JAK1: variants seen among roughly 807,000 people sequenced by gnomAD.
JAK1 encodes Janus kinase 1, also known as tyrosine-protein kinase JAK1.
In JAK1, 16 loss-of-function variants were observed where a neutral mutation model predicts 136.6. The observed-to-expected ratio is 0.12, with a 90% CI of 0.08 to 0.18. The LOEUF is 0.18. Among genes scored for constraint, JAK1 ranks in the 10% least tolerant of loss-of-function variants. The pLI is 1.00. For missense variants in JAK1, 859 were observed against 1,450.1 expected (o/e 0.59, Z 6.62); for synonymous variants, 492 against 519.5 (o/e 0.95, Z 0.72).
At chr1:64,949,689 T>C (rs1218371221) in intron 1 of JAK1, among the ~76,000 whole-genome samples, 1 of 152,242 alleles carries the variant, frequency 6.6e-6, no homozygotes, top group Non-Finnish European at 1.5e-5. Context: ...AGCAGCTTCC[T>C]GCCAATGTTT....
At chr1:64,923,688 CAG>C (rs1300483510) in intron 1 of JAK1, among the ~76,000 whole-genome samples, 5 of 152,194 alleles carry the variant, frequency 3.3e-5, no homozygotes, top group Non-Finnish European at 5.9e-5. Context: ...TATTCAAACA[CAG>C]AGTTTAGAAT....
At chr1:65,014,706 A>G (rs556386577) in intron 2 of JAK1, among the ~76,000 whole-genome samples, 15 of 149,296 alleles carry the variant, frequency 1.0e-4, no homozygotes, top group African/African-American at 3.7e-4. Context: ...TTTTTTGGAT[A>G]TGGAGTCTCT....
intron 2 of JAK1, among the ~76,000 whole-genome samples, chr1:65,043,450 GA>G (rs1405602318): frequency 6.6e-6 from 1 of 152,132 alleles, no homozygotes; most frequent in Non-Finnish European, 1.5e-5. Flanking sequence ...CAATTTGGAT[GA>G]ATCTCCAGGG....
intron 1 of JAK1, among the ~76,000 whole-genome samples, chr1:64,906,301 GAA>G (rs1255228061): frequency 9.2e-6 from 1 of 108,616 alleles, no homozygotes. Context: ...TCTCAAAAAA[GAA>G]AAAAAAAAAA....
chr1:64,865,701 C>T (rs1202119433), intron 7 of JAK1, among the ~76,000 whole-genome samples: 1 of 152,152 alleles, frequency 6.6e-6, no homozygotes. Flanking sequence ...CAGTAAGTAT[C>T]AAGCATTATT....
At chr1:65,055,695 G>A (rs1214120212) in intron 1 of JAK1, among the ~76,000 whole-genome samples, 1 of 152,184 alleles carries the variant, frequency 6.6e-6, no homozygotes, top group African/African-American at 2.4e-5. Flanking sequence ...TTAACCTGCT[G>A]GAACACCTTA....
At chr1:64,877,934 A>C (rs1644699885) in intron 4 of JAK1, among the ~76,000 whole-genome samples, 1 of 152,206 alleles carries the variant, frequency 6.6e-6, no homozygotes, top group Non-Finnish European at 1.5e-5. Flanking sequence ...AAAGAAGAGG[A>C]AAAAGTCAGC....
chr1:65,047,982 C>T (rs891288643), intron 1 of JAK1, among the ~76,000 whole-genome samples: 2 of 152,144 alleles, frequency 1.3e-5, no homozygotes, highest in African/African-American at 4.8e-5. Flanking sequence ...ATTACTACCA[C>T]AGGGACTTCT....
chr1:64,840,453 A>C (rs1218931952), intron 19 of JAK1, among the ~76,000 whole-genome samples: 1 of 152,188 alleles, frequency 6.6e-6, no homozygotes, highest in Non-Finnish European at 1.5e-5. Flanking sequence ...CTCTAGTCAC[A>C]ATTAACTGTT....
chr1:64,997,660 G>T (rs1054466971), intron 2 of JAK1, among the ~76,000 whole-genome samples: 1 of 152,194 alleles, frequency 6.6e-6, no homozygotes, highest in African/African-American at 2.4e-5. Context: ...CAAGGACAAC[G>T]GCATAATGGG....
intron 2 of JAK1, among the ~76,000 whole-genome samples, chr1:65,024,027 T>G (rs887747845): frequency 6.6e-6 from 1 of 152,080 alleles, no homozygotes; most frequent in Non-Finnish European, 1.5e-5. Context: ...TGCTGGACAT[T>G]TGAGTTGTTT....
At chr1:65,042,037 C>G (rs944609939) in intron 2 of JAK1, among the ~76,000 whole-genome samples, 1 of 151,994 alleles carries the variant, frequency 6.6e-6, no homozygotes, top group Non-Finnish European at 1.5e-5. Flanking sequence ...GAGCAAAACT[C>G]TGTCTCAAAA....
rs908944451 is a variant in JAK1, at chr1:64,966,512, G to A, written c.-257C>T. ...AGGCCCGCACTGTCTGCAGCTCCAG[G>A]ATACTCCGCGGCCGCCGCGGCCTGC... On this transcript the variant is annotated 5_prime_UTR_variant, in exon 1 of 25. Transcript: ENST00000342505. The A allele has an allele frequency of 2.0e-5, 3 of 150,278 alleles. No homozygotes were observed. Among genetic ancestry groups the A allele is most frequent in the Non-Finnish European group, 4.5e-5 (3 of 67,380 alleles). The allele number at this position is 150,278 out of a possible 1,614,324, so 9.3% of individuals were successfully genotyped here. A position where few individuals can be genotyped will look rare whatever the true frequency, so the allele number is the denominator to read the frequency against.
Position 64,940,320 on chromosome 1 carries a change from CT to C in JAK1, c.-78+26012del, listed in dbSNP as rs34933566. On this transcript the variant is annotated intron_variant, in intron 1 of 24. Transcript: ENST00000342505. ...ACCTAGCTTATACCAATTTCAATTT[CT>C]TTTTTTTTTTTTTTTGAGATAGTCT... Among the ~76,000 whole-genome samples, 151 of 140,352 alleles carry C rather than the reference CT, an allele frequency of 1.1e-3. 1 individual carries two copies. The highest frequency in any genetic ancestry group is 2.0e-3 in the African/African-American group (74 of 37,878). 92.1% of individuals were successfully genotyped at this position (140,352 alleles called of 152,430 possible).
intron 1 of JAK1, among the ~76,000 whole-genome samples, chr1:64,887,376 T>C (rs574645086): frequency 1.1e-4 from 16 of 152,332 alleles, no homozygotes; most frequent in African/African-American, 3.1e-4. Flanking sequence ...ATTGTTTTAA[T>C]TATGTGAATA....
chr1:64,928,247 A>G (rs1645616898), intron 1 of JAK1, among the ~76,000 whole-genome samples: 1 of 152,218 alleles, frequency 6.6e-6, no homozygotes, highest in African/African-American at 2.4e-5. Flanking sequence ...AACTCAGACT[A>G]GTCTATCATA....
chr1:64,963,382 T>C (rs188755830), intron 1 of JAK1, among the ~76,000 whole-genome samples: 17 of 152,148 alleles, frequency 1.1e-4, no homozygotes, highest in African/African-American at 3.6e-4. Context: ...CTTATTGTTA[T>C]GATGGGAAAA....
At chr1:64,945,444 A>G (rs938312658) in intron 1 of JAK1, among the ~76,000 whole-genome samples, 1 of 152,200 alleles carries the variant, frequency 6.6e-6, no homozygotes, top group African/African-American at 2.4e-5. Flanking sequence ...TGTCCCTTAC[A>G]TGGGGACTGG....
chr1:64,944,514 A>G (rs1384648433), intron 1 of JAK1, among the ~76,000 whole-genome samples: 3 of 152,194 alleles, frequency 2.0e-5, no homozygotes, highest in Non-Finnish European at 4.4e-5. Flanking sequence ...TACAAGATTT[A>G]GCCAGAAGGA....
Sources: allele counts gnomAD v4.1 joint callset (sites outside exome capture counted in the v4.1 genomes callset), GRCh38; gene constraint gnomAD v4.1.1; transcripts MANE v1.5; gene names NCBI Gene and HGNC (gene_info 2026-07-23, HGNC 2026-07-21).